ABI3BP: variants seen among roughly 807,000 people sequenced by gnomAD.
ABI3BP encodes the protein ABI family member 3 binding protein.
A neutral mutation model predicts 268.6 loss-of-function variants in ABI3BP; 216 were observed. That is an observed-to-expected ratio of 0.80 (90% CI 0.72 to 0.90). ABI3BP has a LOEUF of 0.90. Ranked by LOEUF, ABI3BP falls within the 40% of genes least tolerant of loss-of-function variation. The probability of loss-of-function intolerance (pLI) is 0.00; values close to 1 mark genes in which losing one functional copy is unlikely to be tolerated. For missense variants in ABI3BP, 2,090 were observed against 2,182.4 expected (o/e 0.96, Z 0.84); for synonymous variants, 730 against 730.0 (o/e 1.00, Z 0.00).
At chr3:100,754,882 C>G (rs905863742) in intron 63 of ABI3BP, among the ~76,000 whole-genome samples, 191 bp from the exon 64 acceptor site, 2 of 152,086 alleles carry the variant, frequency 1.3e-5, no homozygotes, top group Non-Finnish European at 2.9e-5. Context: ...AACAGCTTGT[C>G]TAATGTTTGA....
At chr3:100,931,199 A>G (rs1383726001) in intron 1 of ABI3BP, among the ~76,000 whole-genome samples, 1 of 152,152 alleles carries the variant, frequency 6.6e-6, no homozygotes, top group Non-Finnish European at 1.5e-5. Context: ...GCTCAAAATA[A>G]TAAGAGCCAT....
In ABI3BP at chr3:100,885,554, A is replaced by G. The variant is rs2041591032; in HGVS notation, c.678T>C (p.Tyr226=). 22 of 1,562,294 alleles carry G rather than the reference A, an allele frequency of 1.4e-5. No individual in the cohort carries two copies. The highest frequency in any genetic ancestry group is 1.7e-5 in the Non-Finnish European group (20 of 1,150,378). ...TACATACCACTGTGTGGTCTTGGTC[A>G]TAGGTACTTTGGATTTTCCCATTTA... ...KKVNGKIQST[Y]DQDHTVPAYV... Residue 226 remains tyrosine (Y), a synonymous_variant, in exon 6 of 68, where the codon TAT becomes TAC. Coordinates refer to ENST00000471714, the MANE Select transcript of ABI3BP (RefSeq NM_001375547.2).
intron 4 of ABI3BP, among the ~76,000 whole-genome samples, chr3:100,893,143 G>GA (rs2045568349): frequency 6.6e-6 from 1 of 152,168 alleles, no homozygotes. Flanking sequence ...CCCTGTGCTG[G>GA]ATGCTTCCTC....
chr3:100,878,030 TA>T (rs1421928704), intron 6 of ABI3BP, among the ~76,000 whole-genome samples: 1 of 152,226 alleles, frequency 6.6e-6, no homozygotes, highest in Non-Finnish European at 1.5e-5. Flanking sequence ...ATTATCAGAT[TA>T]TTTTTTTAAA....
At position 100,876,493 on chromosome 3, in the gene ABI3BP, T is replaced by G; in HGVS notation, c.745+19A>C. 1 of 1,607,614 alleles carries G rather than the reference T, an allele frequency of 6.2e-7. No individual in the cohort carries two copies. The highest frequency in any genetic ancestry group is 8.5e-7 in the Non-Finnish European group (1 of 1,174,622). ...TGTTAAAGATTGCTCTAAACACATT[T>G]CCAGAGCAGACAAATTACCTTGCTT... On this transcript the variant is annotated intron_variant, in intron 7 of 67. Coordinates refer to ENST00000471714, the MANE Select transcript of ABI3BP (RefSeq NM_001375547.2).
At position 100,787,729 on chromosome 3, in the gene ABI3BP, T is replaced by C; in HGVS notation, c.4161A>G (p.Thr1387=). ...AGGAAATACATTTGTGATTATTACC[T>C]GTTCCCACTCCATTCCCACTGGGCA... is the stretch of plus-strand genomic sequence containing the variant. ...SGMPSGNGVG[T]GVKQAPRPSG... is the part of the protein sequence containing the mutation. Residue 1387 remains threonine, a splice_region_variant and synonymous_variant, in exon 57 of 68, where the codon ACA becomes ACG. Transcript: ENST00000471714. The C allele has an allele frequency of 6.5e-7, 1 of 1,528,250 alleles. No homozygotes were observed. Among genetic ancestry groups the C allele is most frequent in the Non-Finnish European group, 8.7e-7 (1 of 1,142,902 alleles). The allele number at this position is 1,528,250 out of a possible 1,614,324, so 94.7% of individuals were successfully genotyped here.
chr3:100,961,161 A>G (rs1462710373), intron 1 of ABI3BP, among the ~76,000 whole-genome samples: 1 of 152,260 alleles, frequency 6.6e-6, no homozygotes, highest in African/African-American at 2.4e-5. Flanking sequence ...GGCTAAAGAA[A>G]GAAGTTGCTG....
At chr3:100,823,591 T>C (rs1191264175) in intron 36 of ABI3BP, 77 bp from the exon 37 acceptor site, 8 of 1,084,980 alleles carry the variant, frequency 7.4e-6, no homozygotes, top group Non-Finnish European at 1.0e-5. Context: ...AAACAAATTT[T>C]ACTGGTATGT....
intron 18 of ABI3BP, among the ~76,000 whole-genome samples, chr3:100,848,513 C>G (rs1375112820): frequency 6.6e-6 from 1 of 151,634 alleles, no homozygotes; most frequent in Non-Finnish European, 1.5e-5. Flanking sequence ...GCTCTGTTGC[C>G]CAGGCTTGAG....
At chr3:100,927,565 G>A (rs554738183) in intron 1 of ABI3BP, among the ~76,000 whole-genome samples, 2 of 152,148 alleles carry the variant, frequency 1.3e-5, no homozygotes, top group East Asian at 3.9e-4. Flanking sequence ...GAAATGCAGG[G>A]AACTTTCATG....
chr3:100,797,988 G>A (rs1490776444), intron 51 of ABI3BP, among the ~76,000 whole-genome samples: 3 of 152,040 alleles, frequency 2.0e-5, no homozygotes, highest in African/African-American at 7.2e-5. Flanking sequence ...TTTATCTTGA[G>A]GCTGAAGAAG....
rs76981362 is a variant in ABI3BP, at chr3:100,914,918, G to A, written c.259+11384C>T. Among the ~76,000 whole-genome samples, 1,338 of 152,266 alleles carry A rather than the reference G, an allele frequency of 8.8e-3. 15 individuals are homozygous for A. Among genetic ancestry groups the A allele is most frequent in the African/African-American group, 0.029 (1,187 of 41,554 alleles). On this transcript the variant is annotated intron_variant, in intron 2 of 67. Transcript: ENST00000471714. The stretch of plus-strand genomic sequence containing the variant: ...TTTCTCAGTTTTACTCTCATTCTGT[G>A]AGAGTTGGGGAGGCAATGCTATTAA...
At chr3:100,975,426 A>C (rs575748679) in intron 1 of ABI3BP, among the ~76,000 whole-genome samples, 3 of 152,188 alleles carry the variant, frequency 2.0e-5, no homozygotes, top group Admixed American at 2.0e-4. Flanking sequence ...GCTGCTAAGG[A>C]TGAAGGAGCT....
intron 57 of ABI3BP, 36 bp downstream of exon 57, chr3:100,787,692 G>A (rs749582660): frequency 6.4e-5 from 93 of 1,441,974 alleles, no homozygotes; most frequent in Non-Finnish European, 8.5e-5. Flanking sequence ...TTATAGTTTT[G>A]ACAGGATAAA....
intron 62 of ABI3BP, among the ~76,000 whole-genome samples, chr3:100,769,877 TG>T (rs1305749683): frequency 4.6e-5 from 7 of 152,214 alleles, no homozygotes; most frequent in Non-Finnish European, 7.3e-5. Context: ...CCGCTTACAC[TG>T]GAAGTTGCCC....
chr3:100,972,355 T>C (rs2084017442), intron 1 of ABI3BP, among the ~76,000 whole-genome samples: 1 of 152,160 alleles, frequency 6.6e-6, no homozygotes, highest in African/African-American at 2.4e-5. Flanking sequence ...AATTAATCTC[T>C]GGGCCAACAA....
intron 29 of ABI3BP, among the ~76,000 whole-genome samples, chr3:100,833,952 C>T (rs1037103951): frequency 2.6e-5 from 4 of 152,252 alleles, no homozygotes; most frequent in African/African-American, 7.2e-5. Flanking sequence ...ACCCATCCAC[C>T]AATAAATCTA....
At chr3:100,803,618 A>T (rs1176022472) in intron 51 of ABI3BP, among the ~76,000 whole-genome samples, 1 of 113,828 alleles carries the variant, frequency 8.8e-6, no homozygotes, top group African/African-American at 2.6e-5. Context: ...ATGTAATGAG[A>T]TTATACTAAT....
chr3:100,821,018 G>A lies in ABI3BP; in HGVS notation c.2947+36C>T, dbSNP rs925212224. 3 of 1,508,254 alleles carry A rather than the reference G, an allele frequency of 2.0e-6. No individual in the cohort carries two copies. In the South Asian group the frequency reaches 3.6e-5, roughly 18 times the overall value. The allele number at this position is 1,508,254 out of a possible 1,614,324, so 93.4% of individuals were successfully genotyped here. A position where few individuals can be genotyped will look rare whatever the true frequency, so the allele number is the denominator to read the frequency against. ...ATGGAATGGGTTTGACGATGAGAAG[G>A]AAGAACACTTAATGAGGATTGCAAC... On this transcript the variant is annotated intron_variant, in intron 39 of 67. Coordinates refer to ENST00000471714, the MANE Select transcript of ABI3BP (RefSeq NM_001375547.2).
Sources: allele counts gnomAD v4.1 joint callset (sites outside exome capture counted in the v4.1 genomes callset), GRCh38; gene constraint gnomAD v4.1.1; transcripts MANE v1.5; gene names NCBI Gene and HGNC (gene_info 2026-07-23, HGNC 2026-07-21).